The following C1QTNF3 variants were observed in gnomAD, a reference collection of about 807,000 sequenced individuals.
The protein encoded by C1QTNF3 is complement C1q tumor necrosis factor-related protein 3.
C1QTNF3 carries 26 observed loss-of-function variants against 32.6 expected under a neutral mutation model. That is an observed-to-expected ratio of 0.80 (90% CI 0.58 to 1.11). The LOEUF (loss-of-function observed/expected upper bound fraction) is 1.11, where lower values mean the gene tolerates loss of function less well. Among genes scored for constraint, C1QTNF3 ranks in the 50% least tolerant of loss-of-function variants. The probability of loss-of-function intolerance (pLI) is 0.00; values close to 1 mark genes in which losing one functional copy is unlikely to be tolerated. For missense variants in C1QTNF3, 362 were observed against 398.2 expected (o/e 0.91, Z 0.77); for synonymous variants, 155 against 146.0 (o/e 1.06, Z -0.44).
the C1QTNF3 span, among the ~76,000 whole-genome samples, chr5:34,077,058 T>C: frequency 1.7e-4 from 26 of 151,930 alleles, 1 homozygote; most frequent in African/African-American, 5.8e-4. Flanking sequence ...AGTCTTCAAT[T>C]AAACTAAGAA....
chr5:34,039,425 C>T (rs1029745525), intron 1 of C1QTNF3, among the ~76,000 whole-genome samples: 2 of 152,212 alleles, frequency 1.3e-5, no homozygotes, highest in African/African-American at 4.8e-5. Context: ...GTCTCTCCTT[C>T]CGCCTTATGA....
At chr5:34,045,212 A>G (rs559527967), upstream of C1QTNF3, among the ~76,000 whole-genome samples, 1 of 152,314 alleles carries the variant, frequency 6.6e-6, no homozygotes, top group East Asian at 1.9e-4. Flanking sequence ...AAGTAACTAT[A>G]AATCAGCCTC....
rs1260712485 is a variant in C1QTNF3, at chr5:34,043,197, A to G, written c.-72T>C. The G allele has an allele frequency of 1.0e-5, 15 of 1,487,800 alleles. No homozygotes were observed. Among genetic ancestry groups the G allele is most frequent in the African/African-American group, 1.4e-5 (1 of 71,488 alleles). 92.2% of individuals were successfully genotyped at this position (1,487,800 alleles called of 1,614,324 possible). A position where few individuals can be genotyped will look rare whatever the true frequency, so the allele number is the denominator to read the frequency against. On this transcript the variant is annotated 5_prime_UTR_variant, in exon 1 of 6. Transcript: ENST00000382065. Reference sequence around the variant, plus strand: ...CCAGGAGCGTGGTCTCCTCGGGCAGATGCCAGGACTGGAGCTGAGAGCTGC... The same window carrying G: ...CCAGGAGCGTGGTCTCCTCGGGCAGGTGCCAGGACTGGAGCTGAGAGCTGC...
the C1QTNF3 span, among the ~76,000 whole-genome samples, chr5:34,223,197 G>C: frequency 5.6e-5 from 7 of 126,014 alleles, no homozygotes; most frequent in African/African-American, 2.1e-4. Context: ...AGTCCCCAGC[G>C]TGTGGTGTTC....
the C1QTNF3 span, among the ~76,000 whole-genome samples, chr5:34,141,864 C>T: frequency 2.0e-5 from 3 of 152,110 alleles, no homozygotes; most frequent in East Asian, 5.8e-4. Flanking sequence ...TCTCCTAGGG[C>T]ACCCAGAAGC....
Position 34,033,364 on chromosome 5 carries a change from C to T in C1QTNF3, c.510G>A (p.Glu170=), listed in dbSNP as rs779654581. The change falls in exon 3 of 6, where the codon GAG becomes GAA. Residue 170 remains glutamate, a synonymous_variant. Coordinates refer to ENST00000382065, the MANE Select transcript of C1QTNF3 (RefSeq NM_181435.6). The part of the protein sequence containing the change: ...GDKGDLGPRG[E]RGQHGPKGEK... ...CTCCTTTGGGGCCATGCTGCCCCCG[C>T]TCCCCTCGAGGCCCCAGGTCACCTT... The T allele has an allele frequency of 2.5e-6, 4 of 1,613,914 alleles. No homozygotes were observed. In the Admixed American group the frequency reaches 6.7e-5, roughly 27 times the overall value.
upstream of C1QTNF3, among the ~76,000 whole-genome samples, chr5:34,045,786 G>A (rs1362158085): frequency 6.6e-6 from 1 of 151,914 alleles, no homozygotes; most frequent in Non-Finnish European, 1.5e-5. Context: ...TCAATAATGG[G>A]TCAATGGCAG....
chr5:34,219,440 A>C, the C1QTNF3 span, among the ~76,000 whole-genome samples: 1 of 151,884 alleles, frequency 6.6e-6, no homozygotes, highest in Non-Finnish European at 1.5e-5. Context: ...AAAAAAAAAA[A>C]CTGTGTTACA....
the C1QTNF3 span, among the ~76,000 whole-genome samples, chr5:34,052,138 A>T: frequency 6.6e-6 from 1 of 151,518 alleles, no homozygotes; most frequent in Non-Finnish European, 1.5e-5. Context: ...ACCGCGTCTT[A>T]AAAAAAAATG....
At chr5:34,232,851 TA>T in the C1QTNF3 span, among the ~76,000 whole-genome samples, 16 of 152,172 alleles carry the variant, frequency 1.1e-4, no homozygotes, top group African/African-American at 2.6e-4. Flanking sequence ...ATCAGGCACA[TA>T]TTTTTTTAAT....
the C1QTNF3 span, among the ~76,000 whole-genome samples, chr5:34,203,376 C>T: frequency 1.3e-5 from 2 of 151,968 alleles, no homozygotes; most frequent in Non-Finnish European, 2.9e-5. Context: ...TTAAACATTC[C>T]ACTTAAAATA....
the C1QTNF3 span, among the ~76,000 whole-genome samples, chr5:34,134,567 A>C: frequency 4.6e-5 from 7 of 152,266 alleles, no homozygotes; most frequent in South Asian, 1.4e-3. Flanking sequence ...TATCTAACAA[A>C]ACTTTCCTGG....
At chr5:34,058,848 C>G in the C1QTNF3 span, among the ~76,000 whole-genome samples, 2 of 152,166 alleles carry the variant, frequency 1.3e-5, no homozygotes, top group Non-Finnish European at 2.9e-5. Context: ...TGAGAGGACA[C>G]CCTTTACAGC....
chr5:34,197,803 C>T, the C1QTNF3 span, among the ~76,000 whole-genome samples: 390 of 151,908 alleles, frequency 2.6e-3, no homozygotes, highest in African/African-American at 9.1e-3. Flanking sequence ...CTAATGGTAC[C>T]GGCGGCTGGA....
At chr5:34,077,110 T>C in the C1QTNF3 span, among the ~76,000 whole-genome samples, 1 of 151,798 alleles carries the variant, frequency 6.6e-6, no homozygotes, top group Non-Finnish European at 1.5e-5. Context: ...GCATGGCTCT[T>C]TGGGTTCCCT....
At chr5:34,157,879 A>C in the C1QTNF3 span, among the ~76,000 whole-genome samples, 2 of 152,154 alleles carry the variant, frequency 1.3e-5, no homozygotes, top group Non-Finnish European at 2.9e-5. Context: ...TAAGCTGCCA[A>C]GTTTGTGGTA....
the C1QTNF3 span, among the ~76,000 whole-genome samples, chr5:34,172,699 T>C: frequency 6.6e-6 from 1 of 152,332 alleles, no homozygotes; most frequent in East Asian, 1.9e-4. Flanking sequence ...CAATACTCTG[T>C]ATGAAGTGAA....
chr5:34,156,842 T>C, the C1QTNF3 span, among the ~76,000 whole-genome samples: 1 of 152,186 alleles, frequency 6.6e-6, no homozygotes, highest in Non-Finnish European at 1.5e-5. Flanking sequence ...TTTTTTCTAA[T>C]TGTTTGAATG....
chr5:34,156,101 C>T, the C1QTNF3 span, among the ~76,000 whole-genome samples: 1 of 152,132 alleles, frequency 6.6e-6, no homozygotes, highest in Non-Finnish European at 1.5e-5. Flanking sequence ...AACAGAATCT[C>T]GCTGTGCCAC....
Sources: gnomAD v4.1 joint callset for allele counts (sites outside exome capture counted in the v4.1 genomes callset) on GRCh38, gnomAD v4.1.1 for gene constraint, MANE v1.5 for transcripts, NCBI Gene and HGNC (gene_info 2026-07-23, HGNC 2026-07-21) for gene names.